The following ADK variants were observed in gnomAD, a reference collection of about 807,000 sequenced individuals.
The protein encoded by ADK is N6,N6-dimethyladenosine kinase.
A neutral mutation model predicts 44.7 loss-of-function variants in ADK; 24 were observed. That is an observed-to-expected ratio of 0.54 (90% confidence interval 0.39 to 0.76). ADK has a LOEUF of 0.76. ADK is among the 30% of genes least tolerant of loss of function. ADK has a pLI of 0.00. For missense variants in ADK, 321 were observed against 425.1 expected (o/e 0.76, Z 2.15); for synonymous variants, 128 against 142.6 (o/e 0.90, Z 0.73).
intron 9 of ADK, among the ~76,000 whole-genome samples, chr10:74,606,594 G>A (rs569187538): frequency 5.9e-5 from 9 of 152,318 alleles, no homozygotes; most frequent in Middle Eastern, 3.4e-3. Flanking sequence ...ACTGTGGTCT[G>A]AGAGACTGTT....
At chr10:74,570,640 T>C (rs1850919287) in intron 7 of ADK, among the ~76,000 whole-genome samples, 2 of 152,250 alleles carry the variant, frequency 1.3e-5, no homozygotes, top group Non-Finnish European at 2.9e-5. Context: ...ATTGATTTTG[T>C]ATCCTGAGAC....
intron 6 of ADK, among the ~76,000 whole-genome samples, chr10:74,428,972 T>C (rs1458723572): frequency 6.6e-6 from 1 of 152,128 alleles, no homozygotes; most frequent in Non-Finnish European, 1.5e-5. Flanking sequence ...GAGAATATTA[T>C]GCATACATAC....
At chr10:74,331,478 T>C (rs1242911168) in intron 4 of ADK, among the ~76,000 whole-genome samples, 3 of 152,272 alleles carry the variant, frequency 2.0e-5, no homozygotes, top group Non-Finnish European at 2.9e-5. Flanking sequence ...TTAGTCTACA[T>C]TTCTATTTAT....
chr10:74,423,172 G>A (rs1844629167), intron 6 of ADK, among the ~76,000 whole-genome samples: 1 of 152,166 alleles, frequency 6.6e-6, no homozygotes, highest in South Asian at 2.1e-4. Context: ...AATAGAAAGG[G>A]GAGGAAATGG....
intron 7 of ADK, among the ~76,000 whole-genome samples, chr10:74,553,202 T>G (rs957650512): frequency 3.3e-5 from 4 of 123,016 alleles, no homozygotes; most frequent in Non-Finnish European, 6.8e-5. Context: ...TTTTTTTTTT[T>G]TTTTTTTTTT....
chr10:74,402,592 A>G (rs1843757490), intron 6 of ADK, among the ~76,000 whole-genome samples: 2 of 152,100 alleles, frequency 1.3e-5, no homozygotes, highest in Admixed American at 6.5e-5. Flanking sequence ...TTTCAGCTCC[A>G]TCAGGTCATT....
intron 6 of ADK, among the ~76,000 whole-genome samples, chr10:74,470,025 T>C (rs1207442741): frequency 3.0e-5 from 4 of 132,326 alleles, no homozygotes; most frequent in Non-Finnish European, 4.9e-5. Flanking sequence ...ATATACCACC[T>C]TTTTTTTTTT....
intron 3 of ADK, among the ~76,000 whole-genome samples, chr10:74,278,359 A>G (rs1163973810): frequency 1.7e-5 from 2 of 116,812 alleles, no homozygotes. Flanking sequence ...ATCTCAAAAA[A>G]AAAAATTAAA....
intron 4 of ADK, chr10:74,371,579 C>G: frequency 8.3e-7 from 1 of 1,210,782 alleles, no homozygotes; most frequent in Admixed American, 1.7e-5. Flanking sequence ...AGGAGGATGT[C>G]CTTAAGTTCC....
chr10:74,467,634 G>A lies in ADK; in HGVS notation c.556-57622G>A, dbSNP rs533664659. 2.3e-3 allele frequency among the ~76,000 whole-genome samples: 345 copies of A among 152,032 alleles called. 15 individuals are homozygous for A. The highest frequency in any genetic ancestry group is 1.5e-3 in the Non-Finnish European group (102 of 67,946). ...AAATCTTTTCTTTTTTATGGTAGTT[G>A]ATAATTAATAGTAAATCTATTCAGT... On this transcript the variant is annotated intron_variant, in intron 6 of 10. Transcript: ENST00000539909.
intron 3 of ADK, among the ~76,000 whole-genome samples, chr10:74,303,970 C>CAA (rs72256519): frequency 7.1e-6 from 1 of 140,956 alleles, no homozygotes. Context: ...ACTCTTGTCT[C>CAA]AAAAAAAAAA....
intron 3 of ADK, among the ~76,000 whole-genome samples, chr10:74,268,387 C>T (rs1846297895): frequency 6.6e-6 from 1 of 151,460 alleles, no homozygotes; most frequent in Non-Finnish European, 1.5e-5. Context: ...TGTTCTTACA[C>T]TATTGATTTT....
At chr10:74,230,318 C>T (rs780604471) in intron 3 of ADK, among the ~76,000 whole-genome samples, 5 of 151,636 alleles carry the variant, frequency 3.3e-5, no homozygotes, top group Admixed American at 2.0e-4. Flanking sequence ...AACCAATATC[C>T]GTATTTTATC....
chr10:74,655,804 C>A, intron 9 of ADK: 1 of 505,040 alleles, frequency 2.0e-6, no homozygotes, highest in Non-Finnish European at 3.8e-6. Flanking sequence ...CCCATCAAGG[C>A]AGAGGTACAG....
intron 4 of ADK, among the ~76,000 whole-genome samples, chr10:74,354,927 G>A (rs1842084474): frequency 6.6e-6 from 1 of 152,212 alleles, no homozygotes; most frequent in Admixed American, 6.5e-5. Context: ...TGTTGGAGCT[G>A]TATGCATTTA....
At chr10:74,286,997 T>G (rs1439522694) in intron 3 of ADK, among the ~76,000 whole-genome samples, 1 of 152,126 alleles carries the variant, frequency 6.6e-6, no homozygotes, top group Non-Finnish European at 1.5e-5. Flanking sequence ...TTTATCATTA[T>G]TATCGCTGTT....
At chr10:74,520,810 T>G (rs1401352876) in intron 6 of ADK, among the ~76,000 whole-genome samples, 2 of 152,096 alleles carry the variant, frequency 1.3e-5, no homozygotes, top group Non-Finnish European at 2.9e-5. Context: ...TGCTACCACT[T>G]TGTGTTGTTT....
At chr10:74,261,155 A>G (rs977609987) in intron 3 of ADK, among the ~76,000 whole-genome samples, 4 of 152,168 alleles carry the variant, frequency 2.6e-5, no homozygotes, top group Non-Finnish European at 5.9e-5. Context: ...GAGTGCTGTA[A>G]TATAGCACAT....
At chr10:74,555,720 G>A (rs1056357815) in intron 7 of ADK, among the ~76,000 whole-genome samples, 4 of 152,070 alleles carry the variant, frequency 2.6e-5, no homozygotes, top group Admixed American at 6.6e-5. Context: ...TGATCTAAAA[G>A]TAATCAAGGA....
Sources: gnomAD v4.1 joint callset for allele counts (sites outside exome capture counted in the v4.1 genomes callset) on GRCh38, gnomAD v4.1.1 for gene constraint, MANE v1.5 for transcripts, NCBI Gene and HGNC (gene_info 2026-07-23, HGNC 2026-07-21) for gene names.